Variants in DSTYK observed in about 807,000 individuals in gnomAD.
DSTYK encodes the protein RIP-homologous kinase.
In DSTYK, 34 loss-of-function variants were observed where a neutral mutation model predicts 98.7. The ratio of observed to expected loss-of-function variants is 0.34; its 90% CI spans 0.26 to 0.46. DSTYK has a LOEUF of 0.46. DSTYK is among the 20% of genes least tolerant of loss of function. DSTYK has a pLI of 1.00. For synonymous variants in DSTYK, 462 were observed against 457.3 expected, an observed-to-expected ratio of 1.01 and a Z score of -0.13; for missense variants, 962 against 1,181.7, an observed-to-expected ratio of 0.81 and a Z score of 2.73.
Position 205,186,848 on chromosome 1 carries a change from C to T in DSTYK, c.654+570G>A, listed in dbSNP as rs575139338. ...GATACTCTTCAAATAACAGGATCTC[C>T]GCGTCTCCTTACATTGAGCCAGACC... On this transcript the variant is annotated intron_variant, in intron 2 of 12. Transcript: ENST00000367162. 9.6e-4 allele frequency among the ~76,000 whole-genome samples: 146 copies of T among 152,252 alleles called. 1 individual carries two copies. In the South Asian group the frequency reaches 0.025, roughly 26 times the overall value.
At chr1:205,195,056 A>C (rs1409141097) in intron 1 of DSTYK, among the ~76,000 whole-genome samples, 1 of 145,200 alleles carries the variant, frequency 6.9e-6, no homozygotes, top group Non-Finnish European at 1.5e-5. Context: ...CAAACTCCTG[A>C]CCTCAGGTGA....
chr1:205,179,793 T>C (rs1658343292), intron 2 of DSTYK, among the ~76,000 whole-genome samples: 1 of 152,096 alleles, frequency 6.6e-6, no homozygotes, highest in Non-Finnish European at 1.5e-5. Flanking sequence ...AAAGAAAATA[T>C]TGTTAATAGT....
At position 205,144,793 on chromosome 1, in the gene DSTYK, A is replaced by G. The variant is rs566191113; in HGVS notation, c.*2765T>C. On this transcript the variant is annotated 3_prime_UTR_variant, in exon 13 of 13. Coordinates refer to ENST00000367162, the MANE Select transcript of DSTYK (RefSeq NM_015375.3). ...CTCCCTTCCACCCTCCCCACTGGGG[A>G]AAAAACTGTTGGGGAATCTGCTAGA... 2.0e-5 allele frequency: 3 copies of G among 152,292 alleles called. No homozygotes were observed. The East Asian group carries it at 5.8e-4, about 29-fold the overall frequency. The allele number at this position is 152,292 out of a possible 1,614,324, so 9.4% of individuals were successfully genotyped here.
Position 205,148,310 on chromosome 1 carries a change from C to T in DSTYK, c.2497G>A (p.Ala833Thr). Residue 833 changes from alanine to threonine, a missense_variant, in exon 12 of 13, where the codon GCT (alanine) becomes ACT (threonine). By Grantham distance (58) the Ala-to-Thr change is moderately conservative. This residue lies in a region of DSTYK where 69 missense variants were observed against 142.9 expected (regional missense o/e 0.48). Transcript: ENST00000367162. Reference protein sequence around the residue: ...GKYDNSVDVYAFGILFWYICS... With the variant: ...GKYDNSVDVYTFGILFWYICS... ...ATATACCAGAAAAGAATTCCAAAAG[C>T]GTAGACATCCACGGAATTATCGTAC... 1 of 1,614,064 alleles carries T rather than the reference C, an allele frequency of 6.2e-7. No homozygotes were observed. Among genetic ancestry groups the T allele is most frequent in the African/African-American group, 1.3e-5 (1 of 75,022 alleles).
chr1:205,177,164 G>A (rs534125967), intron 2 of DSTYK, among the ~76,000 whole-genome samples: 2 of 152,248 alleles, frequency 1.3e-5, no homozygotes, highest in African/African-American at 2.4e-5. Flanking sequence ...CCGTGATCAC[G>A]TCACTGCACT....
At chr1:205,147,784 G>A in intron 12 of DSTYK, 39 bp from the exon 13 acceptor site, 2 of 1,597,366 alleles carry the variant, frequency 1.3e-6, no homozygotes, top group Non-Finnish European at 1.7e-6. Flanking sequence ...ACAGTGAGAG[G>A]GACCCAGCAC....
intron 2 of DSTYK, among the ~76,000 whole-genome samples, chr1:205,181,545 G>A (rs914914335): frequency 1.3e-5 from 2 of 151,942 alleles, no homozygotes; most frequent in African/African-American, 4.8e-5. Context: ...AATAGTGACA[G>A]GGTTTTACCA....
intron 1 of DSTYK, among the ~76,000 whole-genome samples, chr1:205,192,549 T>G (rs1185313028): frequency 6.6e-6 from 1 of 151,682 alleles, no homozygotes; most frequent in Non-Finnish European, 1.5e-5. Context: ...ATAATAAAGA[T>G]GAGGAAATGG....
intron 12 of DSTYK, 53 bp downstream of exon 12, chr1:205,148,152 T>C: frequency 1.2e-6 from 2 of 1,607,674 alleles, no homozygotes; most frequent in Non-Finnish European, 1.7e-6. Flanking sequence ...TTGCCTGGGC[T>C]CAGTCTGCGC....
rs377110889 is a variant in DSTYK, at chr1:205,187,716, T to C, written c.356A>G (p.Gln119Arg). ...CAGCTGGCACTTGACGTTACAATCC[T>C]GGCCGAGGATCAGTATGCAAGGGAG... The part of the protein sequence containing the change: ...DCLPCILILG[Q>R]DCNVKCQLLN... The change falls in exon 2 of 13, where the codon CAG becomes CGG. Residue 119 changes from glutamine to arginine, a missense_variant. Physicochemically the swap from Gln to Arg is conservative, Grantham distance 43. Around this residue, in one of 4 missense-constraint regions of DSTYK, gnomAD observed 660 missense variants for 855.0 expected, o/e 0.77. Coordinates refer to ENST00000367162, the MANE Select transcript of DSTYK (RefSeq NM_015375.3). 6.2e-7 allele frequency: 1 copy of C among 1,614,060 alleles called. No individual in the cohort carries two copies. The highest frequency in any genetic ancestry group is 8.5e-7 in the Non-Finnish European group (1 of 1,180,052).
At chr1:205,162,337 C>G in intron 5 of DSTYK, 125 bp from the exon 6 acceptor site, 1 of 1,165,400 alleles carries the variant, frequency 8.6e-7, no homozygotes, top group Non-Finnish European at 1.2e-6. Flanking sequence ...GGGAGCCATA[C>G]GAAGTCCAAA....
rs1558603173 is a variant in DSTYK at position 205,160,201 on chromosome 1, C to A, written c.2018G>T (p.Gly673Val). 6.2e-7 allele frequency: 1 copy of A among 1,614,052 alleles called. No homozygotes were observed. Among genetic ancestry groups the A allele is most frequent in the East Asian group, 2.2e-5 (1 of 44,874 alleles). Reference sequence around the variant, plus strand: ...TTTGAGGGCACAAGGGAAGTGTCCTCCCCAGTTGTCACACAGGTATACCAC... The same window carrying A: ...TTTGAGGGCACAAGGGAAGTGTCCTACCCAGTTGTCACACAGGTATACCAC... Reference protein sequence around the residue: ...YGVVYLCDNWGGHFPCALKSV... With the variant: ...YGVVYLCDNWVGHFPCALKSV... Residue 673 changes from glycine to valine, a missense_variant, in exon 8 of 13, where the codon GGA becomes GTA. Physicochemically the swap from Gly to Val is moderately radical, Grantham distance 109. Around this residue, in one of 4 missense-constraint regions of DSTYK, gnomAD observed 660 missense variants for 855.0 expected, o/e 0.77. Transcript: ENST00000367162.
chr1:205,210,591 A>G (rs1055238929), intron 1 of DSTYK, among the ~76,000 whole-genome samples: 3 of 152,236 alleles, frequency 2.0e-5, no homozygotes, highest in East Asian at 1.9e-4. Flanking sequence ...CATGCAAGAA[A>G]GAACAAGAGT....
At chr1:205,174,765 T>C (rs1294719991) in intron 2 of DSTYK, among the ~76,000 whole-genome samples, 2 of 135,586 alleles carry the variant, frequency 1.5e-5, no homozygotes, top group South Asian at 2.4e-4. Context: ...TGAGACGGAG[T>C]TTCACTCTTG....
Position 205,169,980 on chromosome 1 carries a change from G to T in DSTYK, c.655-148C>A. 1.4e-6 allele frequency: 1 copy of T among 712,748 alleles called. No homozygotes were observed. Among genetic ancestry groups the T allele is most frequent in the Middle Eastern group, 3.9e-4 (1 of 2,534 alleles). The allele number at this position is 712,748 out of a possible 1,614,324, so 44.2% of individuals were successfully genotyped here. A position where few individuals can be genotyped will look rare whatever the true frequency, so the allele number is the denominator to read the frequency against. On this transcript the variant is annotated intron_variant, in intron 2 of 12. Coordinates refer to ENST00000367162, the MANE Select transcript of DSTYK (RefSeq NM_015375.3). This position sits in a 1 kb window ranked among gnomAD's most constrained non-coding sequence, Gnocchi z 4.0. The stretch of plus-strand genomic sequence containing the variant: ...AGCCATTGATCCACCTCCTTCCTCG[G>T]TTACCAACACTCCCTGGTGCAGCCT...
intron 9 of DSTYK, among the ~76,000 whole-genome samples, chr1:205,158,969 A>C (rs745710658): frequency 1.1e-4 from 17 of 152,226 alleles, no homozygotes; most frequent in Non-Finnish European, 1.8e-4. Flanking sequence ...AGTTACAGGA[A>C]GCTATACTGC....
Position 205,169,046 on chromosome 1 carries a change from G to A in DSTYK, c.1324+117C>T. On this transcript the variant is annotated intron_variant, in intron 3 of 12. Coordinates refer to ENST00000367162, the MANE Select transcript of DSTYK (RefSeq NM_015375.3). The surrounding 1 kb of genome is among the most constrained non-coding windows in gnomAD (Gnocchi z 4.0). Reference sequence around the variant, plus strand: ...GGGCTCCTGCTGGTAACAGTGGGGTGGATGAAGTTACCCTGAGATTCCTTT... The same window carrying A: ...GGGCTCCTGCTGGTAACAGTGGGGTAGATGAAGTTACCCTGAGATTCCTTT... 5.7e-6 allele frequency: 5 copies of A among 883,174 alleles called. No homozygotes were observed. Among genetic ancestry groups the A allele is most frequent in the East Asian group, 5.0e-5 (2 of 40,096 alleles). The allele number at this position is 883,174 out of a possible 1,614,324, so 54.7% of individuals were successfully genotyped here.
At chr1:205,191,461 G>C (rs75503388) in intron 1 of DSTYK, among the ~76,000 whole-genome samples, 1 of 152,158 alleles carries the variant, frequency 6.6e-6, no homozygotes, top group Non-Finnish European at 1.5e-5. Flanking sequence ...CAATCCACTC[G>C]ATCTTTCTGA....
At chr1:205,170,438 G>A (rs979987006) in intron 2 of DSTYK, among the ~76,000 whole-genome samples, 3 of 152,098 alleles carry the variant, frequency 2.0e-5, no homozygotes, top group Non-Finnish European at 4.4e-5. Flanking sequence ...TTTCCCCCAT[G>A]GGTCTGTAAA....
Sources: gnomAD v4.1 joint callset for allele counts (sites outside exome capture counted in the v4.1 genomes callset) on GRCh38, gnomAD v4.1.1 for gene constraint, gnomAD v4.1.1 regional missense constraint, Gnocchi (gnomAD v3.1) non-coding constraint, MANE v1.5 for transcripts, NCBI Gene and HGNC (gene_info 2026-07-23, HGNC 2026-07-21) for gene names.